The following ANAPC10 variants were observed in gnomAD, a reference collection of about 807,000 sequenced individuals.
ANAPC10 encodes anaphase promoting complex subunit 10, also known as anaphase-promoting complex subunit 10.
Under a neutral mutation model 22.0 loss-of-function variants are expected in ANAPC10, and 12 were observed. The ratio of observed to expected loss-of-function variants is 0.55; its 90% CI spans 0.35 to 0.88. ANAPC10 has a LOEUF of 0.88. Among genes scored for constraint, ANAPC10 ranks in the 40% least tolerant of loss-of-function variants. The pLI is 0.01. For synonymous variants in ANAPC10, 65 were observed against 69.5 expected, an observed-to-expected ratio of 0.94 and a Z score of 0.32; for missense variants, 188 against 220.9, an observed-to-expected ratio of 0.85 and a Z score of 0.94.
At chr4:145,093,954 C>A (rs1048652797) in intron 2 of ANAPC10, among the ~76,000 whole-genome samples, 1 of 152,172 alleles carries the variant, frequency 6.6e-6, no homozygotes, top group Non-Finnish European at 1.5e-5. Context: ...ATGTCTTTTA[C>A]AACCTAGTCT....
At chr4:145,097,608 G>C (rs1748776378) in intron 1 of ANAPC10, 4 of 1,090,914 alleles carry the variant, frequency 3.7e-6, no homozygotes, top group Non-Finnish European at 3.7e-6. Flanking sequence ...GGCAAGGCCT[G>C]AGGCTTAAAC....
intron 4 of ANAPC10, among the ~76,000 whole-genome samples, chr4:145,059,593 G>A (rs1742580859): frequency 1.3e-5 from 2 of 152,088 alleles, no homozygotes; most frequent in South Asian, 4.1e-4. Flanking sequence ...TGCTGAAAGT[G>A]TCTACTTAAC....
intron 2 of ANAPC10, among the ~76,000 whole-genome samples, chr4:145,089,915 A>G (rs1156277536): frequency 6.6e-6 from 1 of 152,180 alleles, no homozygotes; most frequent in Non-Finnish European, 1.5e-5. Flanking sequence ...TTACTCTGTT[A>G]CTTACCTTTT....
At position 145,075,186 on chromosome 4, in the gene ANAPC10, T is replaced by C. The variant is rs976300266; in HGVS notation, c.206+6474A>G. On this transcript the variant is annotated intron_variant, in intron 3 of 4. Coordinates refer to ENST00000507656, the MANE Select transcript of ANAPC10 (RefSeq NM_001256706.2). ...AGCTTTTTTAGCAACCACATCACAC[T>C]GTTAATTGAAACTAAACTCACTGTC... Among the ~76,000 whole-genome samples the C allele has an allele frequency of 2.6e-5, 4 of 152,124 alleles. No homozygotes were observed. In the East Asian group the frequency reaches 7.7e-4, roughly 29 times the overall value.
intron 4 of ANAPC10, among the ~76,000 whole-genome samples, chr4:145,004,037 C>A (rs1732975013): frequency 6.6e-6 from 1 of 151,296 alleles, no homozygotes; most frequent in African/African-American, 2.4e-5. Flanking sequence ...TGAGTAGTAT[C>A]TTGTAATTCT....
chr4:145,044,233 T>C (rs935544381), intron 4 of ANAPC10, among the ~76,000 whole-genome samples: 7 of 152,110 alleles, frequency 4.6e-5, no homozygotes, highest in African/African-American at 7.2e-5. Flanking sequence ...TATAGCAATG[T>C]GTTTGACAAA....
In ANAPC10 at chr4:145,081,756, A is replaced by G; in HGVS notation, c.116-6T>C. The G allele has an allele frequency of 6.2e-7, 1 of 1,603,316 alleles. No homozygotes were observed. The highest frequency in any genetic ancestry group is 8.5e-7 in the Non-Finnish European group (1 of 1,171,918). ...TAACTGATCCACTCCAAATCCTAAA[A>G]ACACCAAAAGTGTCAATAAATCCCT... is the stretch of plus-strand genomic sequence containing the variant. On this transcript the variant is annotated splice_polypyrimidine_tract_variant and splice_region_variant and intron_variant, in intron 2 of 4. Coordinates refer to ENST00000507656, the MANE Select transcript of ANAPC10 (RefSeq NM_001256706.2).
intron 3 of ANAPC10, among the ~76,000 whole-genome samples, chr4:145,064,937 T>C (rs1054430568): frequency 6.6e-5 from 10 of 151,912 alleles, no homozygotes; most frequent in African/African-American, 2.4e-4. Flanking sequence ...AAGAGCCAGA[T>C]GCAAGCAAAG....
chr4:145,008,195 T>G (rs1462039459), intron 4 of ANAPC10, among the ~76,000 whole-genome samples: 3 of 152,140 alleles, frequency 2.0e-5, no homozygotes, highest in Admixed American at 6.6e-5. Flanking sequence ...CAATAATTAA[T>G]AGCTTACCAA....
At chr4:145,036,470 A>T (rs1738550625) in intron 4 of ANAPC10, among the ~76,000 whole-genome samples, 1 of 152,168 alleles carries the variant, frequency 6.6e-6, no homozygotes, top group Non-Finnish European at 1.5e-5. Flanking sequence ...AGAGTGTGGG[A>T]CAGGGTGAGA....
intron 4 of ANAPC10, among the ~76,000 whole-genome samples, chr4:145,000,717 T>C (rs1332227842): frequency 2.0e-5 from 3 of 152,208 alleles, no homozygotes; most frequent in African/African-American, 7.2e-5. Context: ...CAAAGGATTA[T>C]AAATCATGCT....
At chr4:145,054,655 G>A (rs1449836203) in intron 4 of ANAPC10, among the ~76,000 whole-genome samples, 3 of 148,238 alleles carry the variant, frequency 2.0e-5, no homozygotes, top group East Asian at 2.0e-4. Flanking sequence ...GCGCGCGCGC[G>A]TGCGTGCAGC....
At chr4:145,045,256 CT>C (rs1240171656) in intron 4 of ANAPC10, among the ~76,000 whole-genome samples, 1 of 151,996 alleles carries the variant, frequency 6.6e-6, no homozygotes, top group Non-Finnish European at 1.5e-5. Flanking sequence ...AAACTTTATC[CT>C]ACTTAATTCT....
At chr4:145,044,974 A>G (rs1293205955) in intron 4 of ANAPC10, among the ~76,000 whole-genome samples, 1 of 151,962 alleles carries the variant, frequency 6.6e-6, no homozygotes, top group Non-Finnish European at 1.5e-5. Context: ...AACATTCGGA[A>G]GTTTTTTTTT....
At chr4:145,081,966 T>C (rs561745336) in intron 2 of ANAPC10, among the ~76,000 whole-genome samples, 2 of 152,296 alleles carry the variant, frequency 1.3e-5, no homozygotes, top group African/African-American at 4.8e-5. Context: ...TGCCTTGGCC[T>C]CCCAAAGTGC....
intron 4 of ANAPC10, among the ~76,000 whole-genome samples, chr4:145,019,731 CA>C (rs1280920255): frequency 6.6e-6 from 1 of 152,038 alleles, no homozygotes; most frequent in East Asian, 1.9e-4. Context: ...CAAATAACCT[CA>C]ATAAGAAATG....
chr4:145,054,137 G>A (rs1332367901), intron 4 of ANAPC10, among the ~76,000 whole-genome samples: 1 of 151,440 alleles, frequency 6.6e-6, no homozygotes, highest in Non-Finnish European at 1.5e-5. Flanking sequence ...TCCATCTCTT[G>A]ACTTTGTGAT....
At chr4:145,063,956 A>C (rs1019856467) in intron 4 of ANAPC10, 1 of 152,088 alleles carries the variant, frequency 6.6e-6, no homozygotes, top group Non-Finnish European at 1.5e-5. Context: ...AAATCAGTAT[A>C]ATAGTTATTT....
At chr4:145,038,507 C>T (rs1281644351) in intron 4 of ANAPC10, among the ~76,000 whole-genome samples, 4 of 151,160 alleles carry the variant, frequency 2.6e-5, no homozygotes, top group East Asian at 2.0e-4. Flanking sequence ...AGTGAGACTC[C>T]GTCTCAAAGA....
Sources: allele counts gnomAD v4.1 joint callset (sites outside exome capture counted in the v4.1 genomes callset), GRCh38; gene constraint gnomAD v4.1.1; transcripts MANE v1.5; gene names NCBI Gene and HGNC (gene_info 2026-07-23, HGNC 2026-07-21).